ADORA2B: variants seen among roughly 807,000 people sequenced by gnomAD.
ADORA2B encodes the protein adenosine receptor A2b.
ADORA2B carries 18 observed loss-of-function variants against 20.8 expected under a neutral mutation model. That is an observed-to-expected ratio of 0.87 (90% CI 0.60 to 1.29). The LOEUF is 1.29. Among genes scored for constraint, ADORA2B ranks in the 50% most tolerant of loss-of-function variants. The pLI is 0.00. For synonymous variants in ADORA2B, 179 were observed against 178.3 expected (o/e 1.00, Z -0.03); for missense variants, 441 against 422.7 (o/e 1.04, Z -0.38).
At chr17:15,882,239 C>T in the ADORA2B span, among the ~76,000 whole-genome samples, 1 of 152,162 alleles carries the variant, frequency 6.6e-6, no homozygotes, top group Non-Finnish European at 1.5e-5. Flanking sequence ...CAGAGGCCAG[C>T]ATGCCCCCTG....
the ADORA2B span, among the ~76,000 whole-genome samples, chr17:15,939,198 G>A: frequency 1.3e-5 from 2 of 152,090 alleles, no homozygotes; most frequent in Non-Finnish European, 2.9e-5. Context: ...CCGCCACCAC[G>A]CCCAGCTATT....
chr17:15,898,503 G>A, the ADORA2B span, among the ~76,000 whole-genome samples: 1 of 148,910 alleles, frequency 6.7e-6, no homozygotes, highest in Admixed American at 6.7e-5. Context: ...CGAGTAGCTG[G>A]GATTTCAGGC....
At chr17:15,882,184 G>A in the ADORA2B span, among the ~76,000 whole-genome samples, 1 of 152,226 alleles carries the variant, frequency 6.6e-6, no homozygotes, top group Non-Finnish European at 1.5e-5. Context: ...GGATAACAGA[G>A]GCAGAGGATA....
chr17:15,857,624 C>G, the ADORA2B span, among the ~76,000 whole-genome samples: 3 of 152,128 alleles, frequency 2.0e-5, no homozygotes, highest in African/African-American at 7.2e-5. Flanking sequence ...GACATGGAGT[C>G]AAGGAGATCG....
At chr17:15,898,453 C>CTTTT in the ADORA2B span, among the ~76,000 whole-genome samples, 4 of 127,502 alleles carry the variant, frequency 3.1e-5, no homozygotes, top group Admixed American at 8.3e-5. Flanking sequence ...TAATCTCCCA[C>CTTTT]TTTTTTTTTT....
chr17:15,973,239 C>A (rs1303624590), intron 1 of ADORA2B, among the ~76,000 whole-genome samples: 1 of 152,212 alleles, frequency 6.6e-6, no homozygotes, highest in African/African-American at 2.4e-5. Context: ...TGCCTCAGGC[C>A]TTTGTTCAAG....
intron 1 of ADORA2B, among the ~76,000 whole-genome samples, chr17:15,948,151 C>G (rs972615638): frequency 6.6e-6 from 1 of 151,614 alleles, no homozygotes; most frequent in Non-Finnish European, 1.5e-5. Context: ...CAGTTCCTCC[C>G]GGTTCGAGGG....
the ADORA2B span, among the ~76,000 whole-genome samples, chr17:15,855,943 C>T: frequency 7.5e-4 from 114 of 152,046 alleles, no homozygotes; most frequent in African/African-American, 2.6e-3. Flanking sequence ...CTGAACAACT[C>T]CCCACTTGCC....
At chr17:15,853,990 T>C in the ADORA2B span, among the ~76,000 whole-genome samples, 2 of 152,188 alleles carry the variant, frequency 1.3e-5, no homozygotes, top group Non-Finnish European at 2.9e-5. Flanking sequence ...AGTTTCACTC[T>C]TGTTGCCCAG....
At chr17:15,901,543 C>A in the ADORA2B span, among the ~76,000 whole-genome samples, 1 of 151,930 alleles carries the variant, frequency 6.6e-6, no homozygotes, top group Non-Finnish European at 1.5e-5. Flanking sequence ...TGTCTACTTA[C>A]TATTTACCCA....
intron 1 of ADORA2B, among the ~76,000 whole-genome samples, chr17:15,964,843 C>T (rs2779204): frequency 0.93 from 141,630 of 151,720 alleles, 66,420 homozygotes; most frequent in East Asian, 0.99. Context: ...GGGCGAATCA[C>T]GAGGTCAGGA....
At chr17:15,877,818 A>G in the ADORA2B span, among the ~76,000 whole-genome samples, 1 of 152,006 alleles carries the variant, frequency 6.6e-6, no homozygotes, top group African/African-American at 2.4e-5. Context: ...CTCTTGCCAC[A>G]AATTTCCTGA....
intron 1 of ADORA2B, among the ~76,000 whole-genome samples, chr17:15,973,097 G>GT (rs1452667655): frequency 6.6e-6 from 1 of 152,168 alleles, no homozygotes; most frequent in East Asian, 1.9e-4. Flanking sequence ...CTAGACTCTT[G>GT]TTCTCCAGCA....
At chr17:15,959,704 TTGG>T (rs1348656072) in intron 1 of ADORA2B, among the ~76,000 whole-genome samples, 1 of 152,192 alleles carries the variant, frequency 6.6e-6, no homozygotes, top group African/African-American at 2.4e-5. Context: ...TTTTGCCATG[TTGG>T]CCAGGCTGGT....
intron 1 of ADORA2B, among the ~76,000 whole-genome samples, chr17:15,947,564 G>T (rs1257372363): frequency 6.6e-5 from 10 of 152,226 alleles, no homozygotes; most frequent in Non-Finnish European, 1.5e-4. Flanking sequence ...TGCCTTCCTG[G>T]CCCGTCCAGA....
chr17:15,972,689 C>A (rs112014590), intron 1 of ADORA2B, among the ~76,000 whole-genome samples: 3 of 152,272 alleles, frequency 2.0e-5, no homozygotes, highest in Admixed American at 1.3e-4. Context: ...ACTGGTCAAA[C>A]CTCTTAAGGA....
At chr17:15,939,847 G>T in the ADORA2B span, among the ~76,000 whole-genome samples, 4 of 132,184 alleles carry the variant, frequency 3.0e-5, no homozygotes, top group African/African-American at 8.7e-5. Context: ...GTAACAGAGC[G>T]AGACTCTGTC....
the ADORA2B span, among the ~76,000 whole-genome samples, chr17:15,879,110 G>A: frequency 6.6e-6 from 1 of 152,016 alleles, no homozygotes; most frequent in African/African-American, 2.4e-5. Flanking sequence ...TTTTAGTTAC[G>A]ATGTTAGTGA....
At chr17:15,879,831 C>T in the ADORA2B span, among the ~76,000 whole-genome samples, 1 of 149,224 alleles carries the variant, frequency 6.7e-6, no homozygotes, top group Non-Finnish European at 1.5e-5. Flanking sequence ...GCCACCGCAC[C>T]CGGCCAAAGA....
Sources: allele counts gnomAD v4.1 joint callset (sites outside exome capture counted in the v4.1 genomes callset), GRCh38; gene constraint gnomAD v4.1.1; transcripts MANE v1.5; gene names NCBI Gene and HGNC (gene_info 2026-07-23, HGNC 2026-07-21).